The following FMNL3 variants were observed in gnomAD, a reference collection of about 807,000 sequenced individuals.
FMNL3 encodes formin like 3.
Under a neutral mutation model 119.6 loss-of-function variants are expected in FMNL3, and 57 were observed. The ratio of observed to expected loss-of-function variants is 0.48; its 90% CI spans 0.39 to 0.59. FMNL3 has a LOEUF of 0.59. FMNL3 is among the 20% of genes least tolerant of loss of function. The pLI is 0.00. For synonymous variants in FMNL3, 491 were observed against 507.3 expected (o/e 0.97, Z 0.43); for missense variants, 1,053 against 1,323.5 (o/e 0.80, Z 3.17).
At chr12:49,705,206 CCAAAA>C (rs1945015567) in intron 1 of FMNL3, among the ~76,000 whole-genome samples, 1 of 152,102 alleles carries the variant, frequency 6.6e-6, no homozygotes, top group African/African-American at 2.4e-5. Context: ...AGAAACAAGA[CCAAAA>C]CAAAAGGCAT....
intron 1 of FMNL3, among the ~76,000 whole-genome samples, chr12:49,700,773 A>C (rs922772185): frequency 6.7e-6 from 1 of 148,968 alleles, no homozygotes; most frequent in African/African-American, 2.5e-5. Context: ...ATAGAGTACT[A>C]TGCAGTAATG....
In FMNL3 at chr12:49,671,692, G is replaced by A. The variant is rs376033749; in HGVS notation, c.127-3138C>T. Among the ~76,000 whole-genome samples the A allele has an allele frequency of 7.2e-5, 11 of 152,176 alleles. No individual in the cohort carries two copies. In the East Asian group the frequency reaches 1.2e-3, roughly 16 times the overall value. On this transcript the variant is annotated intron_variant, in intron 1 of 25. Coordinates refer to ENST00000335154, the MANE Select transcript of FMNL3 (RefSeq NM_175736.5). ...TAGGAATGACAACTTCCTGAGTTCCGGGGACAGCAAAGTAGCAAATTTGAC... is the reference window on the plus strand; with the variant it reads ...TAGGAATGACAACTTCCTGAGTTCCAGGGACAGCAAAGTAGCAAATTTGAC...
Position 49,647,724 on chromosome 12 carries a change from G to C in FMNL3, c.2757C>G (p.Val919=). Residue 919 remains valine, a synonymous_variant, in exon 23 of 26, where the codon GTC becomes GTG. Coordinates refer to ENST00000335154, the MANE Select transcript of FMNL3 (RefSeq NM_175736.5). This position sits in a 1 kb window ranked among gnomAD's most constrained non-coding sequence, Gnocchi z 4.9. ...TTACCTTGTAAGAACGAATGAATCG[G>C]ACAAATACTGGGAAGAATACAGAAG... is the stretch of plus-strand genomic sequence containing the variant. ...TPPSVFFPVF[V]RFIRSYKEAE... is the part of the protein sequence containing the mutation. 6.2e-7 allele frequency: 1 copy of C among 1,614,102 alleles called. No homozygotes were observed. The highest frequency in any genetic ancestry group is 2.2e-5 in the East Asian group (1 of 44,884).
Position 49,644,109 on chromosome 12 carries a change from G to T in FMNL3, c.*1706C>A. On this transcript the variant is annotated 3_prime_UTR_variant, in exon 26 of 26. Coordinates refer to ENST00000335154, the MANE Select transcript of FMNL3 (RefSeq NM_175736.5). ...GCCTTTGCTCCAACAGACAGGCTGG[G>T]ACACGTCAGAAAGTGAGCTGAGTGA... 6.2e-7 allele frequency: 1 copy of T among 1,614,192 alleles called. No homozygotes were observed. The highest frequency in any genetic ancestry group is 8.5e-7 in the Non-Finnish European group (1 of 1,180,044).
At position 49,649,677 on chromosome 12, in the gene FMNL3, G is replaced by C; in HGVS notation, c.2235+14C>G. The C allele has an allele frequency of 1.2e-6, 2 of 1,613,802 alleles. No homozygotes were observed. The highest frequency in any genetic ancestry group is 1.7e-6 in the Non-Finnish European group (2 of 1,179,758). On this transcript the variant is annotated intron_variant, in intron 18 of 25. Coordinates refer to ENST00000335154, the MANE Select transcript of FMNL3 (RefSeq NM_175736.5). The surrounding 1 kb of genome is among the most constrained non-coding windows in gnomAD (Gnocchi z 5.6). Reference sequence around the variant, plus strand: ...GACAGCTGTCCAGAGCCATGAGTTGGGTGGGGGCTGTACCGGTGTGAGCAT... The same window carrying C: ...GACAGCTGTCCAGAGCCATGAGTTGCGTGGGGGCTGTACCGGTGTGAGCAT...
intron 16 of FMNL3, 28 bp from the exon 17 acceptor site, chr12:49,650,906 C>A (rs201220332): frequency 6.2e-7 from 1 of 1,612,660 alleles, no homozygotes; most frequent in Non-Finnish European, 8.5e-7. Flanking sequence ...GCAAGGAAAA[C>A]GCTGTAGCCT....
intron 1 of FMNL3, among the ~76,000 whole-genome samples, chr12:49,695,711 C>A (rs752530367): frequency 1.1e-4 from 16 of 152,004 alleles, no homozygotes; most frequent in Non-Finnish European, 1.9e-4. Context: ...CAGAAAAAAA[C>A]AGAGTGTTGT....
At chr12:49,656,167 C>T (rs573634457) in intron 9 of FMNL3, among the ~76,000 whole-genome samples, 65 of 152,170 alleles carry the variant, frequency 4.3e-4, no homozygotes, top group Admixed American at 1.1e-3. Context: ...TGGACTATAG[C>T]CCTCAGCTAG....
At chr12:49,658,620 G>T in intron 5 of FMNL3, 26 bp from the exon 6 acceptor site, 1 of 1,573,016 alleles carries the variant, frequency 6.4e-7, no homozygotes, top group Non-Finnish European at 8.6e-7. Flanking sequence ...ACACACATGC[G>T]CATACACAGG....
chr12:49,706,935 G>A, intron 1 of FMNL3, 120 bp downstream of exon 1: 1 of 1,187,326 alleles, frequency 8.4e-7, no homozygotes. Flanking sequence ...TGGAGGCCGG[G>A]ATCCGTTCGG....
At chr12:49,675,441 C>T (rs1396915547) in intron 1 of FMNL3, among the ~76,000 whole-genome samples, 1 of 152,228 alleles carries the variant, frequency 6.6e-6, no homozygotes, top group African/African-American at 2.4e-5. Context: ...AGCCAACCAA[C>T]GACCTCCCTC....
chr12:49,661,878 T>C, intron 5 of FMNL3, 88 bp downstream of exon 5: 5 of 1,254,934 alleles, frequency 4.0e-6, no homozygotes, highest in South Asian at 2.4e-5. Context: ...ATCTTCATTG[T>C]TGAACTCTCA....
intron 1 of FMNL3, among the ~76,000 whole-genome samples, chr12:49,684,333 C>G (rs576762201): frequency 1.3e-5 from 2 of 152,306 alleles, no homozygotes; most frequent in Non-Finnish European, 2.9e-5. Flanking sequence ...TTTAGCCGCC[C>G]TGCCACAAAA....
At chr12:49,668,614 A>C in intron 1 of FMNL3, 60 bp from the exon 2 acceptor site, 1 of 1,476,764 alleles carries the variant, frequency 6.8e-7, no homozygotes, top group Admixed American at 1.7e-5. Context: ...AAAGAGAAAG[A>C]CTAGACTGCC....
chr12:49,666,077 A>G (rs1426538807), intron 3 of FMNL3, 50 bp downstream of exon 3: 1 of 1,586,588 alleles, frequency 6.3e-7, no homozygotes, highest in African/African-American at 1.3e-5. Context: ...CCCAAACCCC[A>G]CAGGACTATA....
chr12:49,703,327 C>A (rs1944959726), intron 1 of FMNL3, among the ~76,000 whole-genome samples: 2 of 151,990 alleles, frequency 1.3e-5, no homozygotes, highest in African/African-American at 4.8e-5. Flanking sequence ...TAGTTTGGAC[C>A]AAAACACACT....
chr12:49,695,590 C>T (rs1944729490), intron 1 of FMNL3, among the ~76,000 whole-genome samples: 1 of 152,174 alleles, frequency 6.6e-6, no homozygotes, highest in Non-Finnish European at 1.5e-5. Flanking sequence ...ACGCGGCATA[C>T]ATCCAACAAA....
intron 1 of FMNL3, among the ~76,000 whole-genome samples, chr12:49,700,317 G>A (rs1017067871): frequency 8.0e-5 from 12 of 150,260 alleles, no homozygotes; most frequent in African/African-American, 9.8e-5. Flanking sequence ...GTGTGAACCC[G>A]GGAGGCAGAG....
chr12:49,662,650 A>G (rs963630116), intron 4 of FMNL3, among the ~76,000 whole-genome samples: 8 of 152,202 alleles, frequency 5.3e-5, no homozygotes, highest in African/African-American at 1.4e-4. Context: ...CAGAAAAAGC[A>G]TGGGAGATGA....
Sources: allele counts gnomAD v4.1 joint callset (sites outside exome capture counted in the v4.1 genomes callset), GRCh38; gene constraint gnomAD v4.1.1; non-coding constraint Gnocchi (gnomAD v3.1); transcripts MANE v1.5; gene names NCBI Gene and HGNC (gene_info 2026-07-23, HGNC 2026-07-21).